EPN1: variants seen among roughly 807,000 people sequenced by gnomAD.
The protein encoded by EPN1 is epsin-1.
EPN1 carries 25 observed loss-of-function variants against 56.9 expected under a neutral mutation model. That is an observed-to-expected ratio of 0.44 (90% CI 0.32 to 0.61). EPN1 has a LOEUF of 0.61. Ranked by LOEUF, EPN1 falls within the 20% of genes least tolerant of loss-of-function variation. EPN1 has a pLI of 0.05. For synonymous variants in EPN1, 411 were observed against 361.8 expected (o/e 1.14, Z -1.54); for missense variants, 785 against 823.7 (o/e 0.95, Z 0.58).
chr19:55,707,298 C>A lies in EPN1; in HGVS notation c.*11942C>A, dbSNP rs944913451. The A allele has an allele frequency of 7.9e-5, 12 of 152,196 alleles. No homozygotes were observed. Among genetic ancestry groups the A allele is most frequent in the African/African-American group, 2.9e-4 (12 of 41,412 alleles). The allele number at this position is 152,196 out of a possible 1,614,324, so 9.4% of individuals were successfully genotyped here. On this transcript the variant is annotated 3_prime_UTR_variant, in exon 11 of 11. Transcript: ENST00000270460. Reference sequence around the variant, plus strand: ...TCAAGGCTGCAGTGAGCTATGATGGCACCACTGCCCTCCAGACTGAGCCAA... The same window carrying A: ...TCAAGGCTGCAGTGAGCTATGATGGAACCACTGCCCTCCAGACTGAGCCAA...
chr19:55,692,006 G>A lies in EPN1; in HGVS notation c.1015G>A (p.Ala339Thr), dbSNP rs1986589425. The change falls in exon 7 of 11, where the codon GCC becomes ACC. Residue 339 changes from alanine (A) to threonine (T), a missense_variant. Physicochemically the swap from Ala to Thr is moderately conservative, Grantham distance 58. Transcript: ENST00000270460. ...AGTTGACCCTTGGGGTGGGACCCCA[G>A]CCCCTGCAGCTGGGGAGGGGCCCAC... The part of the protein sequence containing the change: ...PSVDPWGGTP[A>T]PAAGEGPTPD... 3 of 1,478,588 alleles carry A rather than the reference G, an allele frequency of 2.0e-6. No individual in the cohort carries two copies. The highest frequency in any genetic ancestry group is 2.8e-5 in the African/African-American group (2 of 70,586). 91.6% of individuals were successfully genotyped at this position (1,478,588 alleles called of 1,614,324 possible). A position where few individuals can be genotyped will look rare whatever the true frequency, so the allele number is the denominator to read the frequency against.
At chr19:55,687,189 A>G (rs1986227392) in intron 3 of EPN1, among the ~76,000 whole-genome samples, 1 of 152,074 alleles carries the variant, frequency 6.6e-6, no homozygotes, top group African/African-American at 2.4e-5. Flanking sequence ...CAACCATTGA[A>G]AAATGTAAAG....
At position 55,695,337 on chromosome 19, in the gene EPN1, C is replaced by G; in HGVS notation, c.1712C>G (p.Thr571Ser). 1 of 1,507,596 alleles carries G rather than the reference C, an allele frequency of 6.6e-7. No individual in the cohort carries two copies. The highest frequency in any genetic ancestry group is 8.9e-7 in the Non-Finnish European group (1 of 1,117,764). 93.4% of individuals were successfully genotyped at this position (1,507,596 alleles called of 1,614,324 possible). A position where few individuals can be genotyped will look rare whatever the true frequency, so the allele number is the denominator to read the frequency against. The change falls in exon 11 of 11, where the codon ACT becomes AGT. Residue 571 changes from threonine to serine, a missense_variant. This residue lies in a region of EPN1 where 650 missense variants were observed against 605.0 expected (regional missense o/e 1.07). Coordinates refer to ENST00000270460, the MANE Select transcript of EPN1 (RefSeq NM_001130072.2). The surrounding 1 kb of genome is among the most constrained non-coding windows in gnomAD (Gnocchi z 4.4). ...MMPPGPPAPNTNPFLL is the reference protein window; with the variant it reads ...MMPPGPPAPNSNPFLL ...CCCCCGGGCCCCCCGGCCCCCAACA[C>G]TAATCCCTTCCTCCTATAATCCAGG...
rs1406177282 is a variant in EPN1, at chr19:55,691,886, C to G, written c.895C>G (p.Pro299Ala). 3 of 1,600,356 alleles carry G rather than the reference C, an allele frequency of 1.9e-6. No homozygotes were observed. The highest frequency in any genetic ancestry group is 1.3e-5 in the African/African-American group (1 of 74,638). The change falls in exon 7 of 11, where the codon CCC (proline) becomes GCC (alanine). Residue 299 changes from proline to alanine, a missense_variant. Pro to Ala is a conservative substitution (Grantham distance 27). Coordinates refer to ENST00000270460, the MANE Select transcript of EPN1 (RefSeq NM_001130072.2). The surrounding 1 kb of genome is among the most constrained non-coding windows in gnomAD (Gnocchi z 5.6). ...AAPTSDPWGG[P>A]PVPPAADPWG... is the part of the protein sequence containing the mutation. ...CCCCACCTCGGACCCCTGGGGCGGCCCCCCTGTCCCTCCAGCTGCTGATCC... is the reference window on the plus strand; with the variant it reads ...CCCCACCTCGGACCCCTGGGGCGGCGCCCCTGTCCCTCCAGCTGCTGATCC...
chr19:55,700,755 G>T lies in EPN1; in HGVS notation c.*5399G>T, dbSNP rs111262193. 6.6e-6 allele frequency: 1 copy of T among 152,252 alleles called. No homozygotes were observed. Among genetic ancestry groups the T allele is most frequent in the South Asian group, 2.1e-4 (1 of 4,838 alleles). 9.4% of individuals were successfully genotyped at this position (152,252 alleles called of 1,614,324 possible). A position where few individuals can be genotyped will look rare whatever the true frequency, so the allele number is the denominator to read the frequency against. On this transcript the variant is annotated 3_prime_UTR_variant, in exon 11 of 11. Transcript: ENST00000270460. ...GGTAATGACATGCTCTCTAGTAATCGTTGTGTGTTACTGTCAAAAGGTATA... is the reference window on the plus strand; with the variant it reads ...GGTAATGACATGCTCTCTAGTAATCTTTGTGTGTTACTGTCAAAAGGTATA...
Position 55,683,560 on chromosome 19 carries a change from C to T in EPN1, c.229-1836C>T, listed in dbSNP as rs540081057. 2.0e-5 allele frequency among the ~76,000 whole-genome samples: 3 copies of T among 152,226 alleles called. No individual in the cohort carries two copies. The East Asian group carries it at 5.8e-4, about 29-fold the overall frequency. On this transcript the variant is annotated intron_variant, in intron 2 of 10. Transcript: ENST00000270460. ...GTAGAAACAGGTTTCATCATGTTGG[C>T]CAGGCTGGTCTCGAACCCCTGACCT...
In EPN1 at chr19:55,689,365, T is replaced by G; in HGVS notation, c.672T>G (p.His224Gln). The G allele has an allele frequency of 6.4e-7, 1 of 1,551,562 alleles. No individual in the cohort carries two copies. Among genetic ancestry groups the G allele is most frequent in the Middle Eastern group, 1.7e-4 (1 of 5,992 alleles). Residue 224 changes from histidine to glutamine, a missense_variant, in exon 5 of 11, where the codon CAT (histidine) becomes CAG (glutamine). By Grantham distance (24) the His-to-Gln change is conservative. This residue lies in a region of EPN1 where 650 missense variants were observed against 605.0 expected (regional missense o/e 1.07). Transcript: ENST00000270460. The surrounding 1 kb of genome is among the most constrained non-coding windows in gnomAD (Gnocchi z 5.7). ...QLALSLSREE[H>Q]DKEERIRRGD... ...CCCTTAGTTTGAGCCGAGAAGAGCA[T>G]GATAAGGTCAGAGCAGCCTCCCTGT...
Position 55,695,511 on chromosome 19 carries a change from C to G in EPN1, c.*155C>G. 1 of 593,820 alleles carries G rather than the reference C, an allele frequency of 1.7e-6. No homozygotes were observed. Among genetic ancestry groups the G allele is most frequent in the Non-Finnish European group, 3.0e-6 (1 of 334,892 alleles). 36.8% of individuals were successfully genotyped at this position (593,820 alleles called of 1,614,324 possible). The stretch of plus-strand genomic sequence containing the variant: ...ACACTACACCCTCTTCCTTTCCCAC[C>G]CCACCTCCCCGGAGAGAAACTGGAC... On this transcript the variant is annotated 3_prime_UTR_variant, in exon 11 of 11. Coordinates refer to ENST00000270460, the MANE Select transcript of EPN1 (RefSeq NM_001130072.2). This position sits in a 1 kb window ranked among gnomAD's most constrained non-coding sequence, Gnocchi z 4.4.
At chr19:55,690,957 T>TCCTGC (rs1986503658) in intron 6 of EPN1, among the ~76,000 whole-genome samples, 1 of 152,132 alleles carries the variant, frequency 6.6e-6, no homozygotes, top group Non-Finnish European at 1.5e-5. Flanking sequence ...CCATCTCTTC[T>TCCTGC]CCTGCCCTGC....
In EPN1 at chr19:55,693,043, C is replaced by T. The variant is rs760549770; in HGVS notation, c.1264+6C>T. On this transcript the variant is annotated splice_donor_region_variant and intron_variant, in intron 9 of 10. Coordinates refer to ENST00000270460, the MANE Select transcript of EPN1 (RefSeq NM_001130072.2). Reference sequence around the variant, plus strand: ...GACCTCCGGGAGCAGCGCAGGTGAGCCCCTGCCCTCCCCTGCCCAGTGGCG... The same window carrying T: ...GACCTCCGGGAGCAGCGCAGGTGAGTCCCTGCCCTCCCCTGCCCAGTGGCG... 3 of 1,608,798 alleles carry T rather than the reference C, an allele frequency of 1.9e-6. No homozygotes were observed. The East Asian group carries it at 6.7e-5, about 36-fold the overall frequency.
Position 55,697,362 on chromosome 19 carries a change from C to T in EPN1, c.*2006C>T, listed in dbSNP as rs192761161. On this transcript the variant is annotated 3_prime_UTR_variant, in exon 11 of 11. Coordinates refer to ENST00000270460, the MANE Select transcript of EPN1 (RefSeq NM_001130072.2). ...CCCACAGGGTCATAGCTCCTGGGCCCCTCACTTGTCAGACCCTCCATTCAC... is the reference window on the plus strand; with the variant it reads ...CCCACAGGGTCATAGCTCCTGGGCCTCTCACTTGTCAGACCCTCCATTCAC... 1 of 152,198 alleles carries T rather than the reference C, an allele frequency of 6.6e-6. No individual in the cohort carries two copies. Among genetic ancestry groups the T allele is most frequent in the East Asian group, 1.9e-4 (1 of 5,174 alleles). The allele number at this position is 152,198 out of a possible 1,614,324, so 9.4% of individuals were successfully genotyped here. A position where few individuals can be genotyped will look rare whatever the true frequency, so the allele number is the denominator to read the frequency against.
At chr19:55,693,847 T>A (rs1275426393) in intron 9 of EPN1, among the ~76,000 whole-genome samples, 1 of 152,200 alleles carries the variant, frequency 6.6e-6, no homozygotes, top group African/African-American at 2.4e-5. Context: ...CAGTTTTCCT[T>A]CTTTTAGGCC....
Position 55,700,872 on chromosome 19 carries a change from T to G in EPN1, c.*5516T>G, listed in dbSNP as rs1486123201. On this transcript the variant is annotated 3_prime_UTR_variant, in exon 11 of 11. Coordinates refer to ENST00000270460, the MANE Select transcript of EPN1 (RefSeq NM_001130072.2). ...TAGCTCAGAGGCTCGGGAGGTGAGG[T>G]TGCAAAATGGCTTGTGTTGTGGGGA... 6.6e-6 allele frequency: 1 copy of G among 152,132 alleles called. No homozygotes were observed. Among genetic ancestry groups the G allele is most frequent in the Non-Finnish European group, 1.5e-5 (1 of 68,072 alleles). The allele number at this position is 152,132 out of a possible 1,614,324, so 9.4% of individuals were successfully genotyped here. A position where few individuals can be genotyped will look rare whatever the true frequency, so the allele number is the denominator to read the frequency against.
At chr19:55,678,156 C>T (rs1464073677) in intron 1 of EPN1, among the ~76,000 whole-genome samples, 1 of 152,042 alleles carries the variant, frequency 6.6e-6, no homozygotes, top group Non-Finnish European at 1.5e-5. Context: ...GGACGGAGGG[C>T]CTCCTGATGC....
At chr19:55,688,032 A>G (rs1986282936) in intron 3 of EPN1, among the ~76,000 whole-genome samples, 1 of 152,164 alleles carries the variant, frequency 6.6e-6, no homozygotes, top group Non-Finnish European at 1.5e-5. Flanking sequence ...TGGAGCAGAC[A>G]GAACTTGCTG....
chr19:55,684,553 T>C (rs1356352224), intron 2 of EPN1, among the ~76,000 whole-genome samples: 2 of 152,150 alleles, frequency 1.3e-5, no homozygotes, highest in African/African-American at 4.8e-5. Context: ...TGAACGATAA[T>C]GTTCCCTCCG....
chr19:55,677,790 T>G, intron 1 of EPN1: 2 of 1,448,832 alleles, frequency 1.4e-6, no homozygotes. Context: ...TTCTTTCCCA[T>G]GTGTCCTTGT....
At position 55,689,982 on chromosome 19, in the gene EPN1, C is replaced by A. The variant is rs1320761572; in HGVS notation, c.762+32C>A. 1.3e-6 allele frequency: 2 copies of A among 1,557,360 alleles called. No individual in the cohort carries two copies. The highest frequency in any genetic ancestry group is 3.4e-4 in the Middle Eastern group (2 of 5,864). On this transcript the variant is annotated intron_variant, in intron 6 of 10. Coordinates refer to ENST00000270460, the MANE Select transcript of EPN1 (RefSeq NM_001130072.2). This position sits in a 1 kb window ranked among gnomAD's most constrained non-coding sequence, Gnocchi z 5.7. ...GGGGCTTGTTCTGCCCTCCCTGGCCCCTGCAGGTGTCCGTCCGTCCCATCG... is the reference window on the plus strand; with the variant it reads ...GGGGCTTGTTCTGCCCTCCCTGGCCACTGCAGGTGTCCGTCCGTCCCATCG...
intron 3 of EPN1, among the ~76,000 whole-genome samples, chr19:55,687,574 A>G (rs1986251037): frequency 6.6e-6 from 1 of 151,862 alleles, no homozygotes; most frequent in African/African-American, 2.4e-5. Flanking sequence ...GAGTCCCTAG[A>G]GCTTAGGAGG....
Sources: gnomAD v4.1 joint callset for allele counts (sites outside exome capture counted in the v4.1 genomes callset) on GRCh38, gnomAD v4.1.1 for gene constraint, gnomAD v4.1.1 regional missense constraint, Gnocchi (gnomAD v3.1) non-coding constraint, MANE v1.5 for transcripts, NCBI Gene and HGNC (gene_info 2026-07-23, HGNC 2026-07-21) for gene names.